The following NDUFS7 variants were observed in gnomAD, a reference collection of about 807,000 sequenced individuals.
NDUFS7 encodes the protein NADH:ubiquinone oxidoreductase core subunit S7.
NDUFS7 carries 11 observed loss-of-function variants against 31.1 expected under a neutral mutation model. The observed-to-expected ratio is 0.35, with a 90% CI of 0.22 to 0.59. The LOEUF is 0.59. Ranked by LOEUF, NDUFS7 falls within the 20% of genes least tolerant of loss-of-function variation. NDUFS7 has a pLI of 0.79. For synonymous variants in NDUFS7, 136 were observed against 127.9 expected, an observed-to-expected ratio of 1.06 and a Z score of -0.43; for missense variants, 263 against 324.2, an observed-to-expected ratio of 0.81 and a Z score of 1.45.
intron 6 of NDUFS7, among the ~76,000 whole-genome samples, chr19:1,391,393 G>T (rs888336828): frequency 1.3e-5 from 2 of 151,876 alleles, no homozygotes; most frequent in East Asian, 3.9e-4. Context: ...CCCACATTCC[G>T]CCCAGTTCTC....
chr19:1,389,546 C>T (rs1428288829), intron 4 of NDUFS7: 9 of 456,664 alleles, frequency 2.0e-5, no homozygotes, highest in Admixed American at 1.2e-4. Flanking sequence ...CTCTTTCTGG[C>T]GTCCGTGTGT....
chr19:1,387,917 GGGTGGGGGGT>G, intron 2 of NDUFS7, 70 bp downstream of exon 2: 2 of 377,292 alleles, frequency 5.3e-6, no homozygotes, highest in South Asian at 3.7e-5. Flanking sequence ...GGGGCGGGGG[GGGTGGGGGGT>G]GGGGGGAGCG....
intron 7 of NDUFS7, chr19:1,394,851 T>C: frequency 8.7e-7 from 1 of 1,151,606 alleles, no homozygotes; most frequent in Non-Finnish European, 1.1e-6. Context: ...TTCGTCCTCT[T>C]GCTCAAGCCC....
chr19:1,391,272 C>A, intron 6 of NDUFS7, 107 bp downstream of exon 6: 1 of 1,404,582 alleles, frequency 7.1e-7, no homozygotes, highest in Non-Finnish European at 9.8e-7. Context: ...AGTGAAATCC[C>A]ACGTGGTCCC....
chr19:1,393,167 TG>T lies in NDUFS7; in HGVS notation c.456-71del. Reference sequence around the variant, plus strand: ...GCCTGCAGTTGAAGGCGGGTGGGGATGGGGCGAGGCCTCGTGGAGGGAGGGT... The same window carrying T: ...GCCTGCAGTTGAAGGCGGGTGGGGATGGGCGAGGCCTCGTGGAGGGAGGGT... On this transcript the variant is annotated intron_variant, in intron 6 of 7. Coordinates refer to ENST00000233627, the MANE Select transcript of NDUFS7 (RefSeq NM_024407.5). This position sits in a 1 kb window ranked among gnomAD's most constrained non-coding sequence, Gnocchi z 7.3. 8.7e-7 allele frequency: 1 copy of T among 1,148,058 alleles called. No individual in the cohort carries two copies. The highest frequency in any genetic ancestry group is 1.2e-6 in the Non-Finnish European group (1 of 826,926). 71.1% of individuals were successfully genotyped at this position (1,148,058 alleles called of 1,614,324 possible).
Position 1,393,086 on chromosome 19 carries a change from C to T in NDUFS7, c.456-156C>T, listed in dbSNP as rs1002833682. On this transcript the variant is annotated intron_variant, in intron 6 of 7. Transcript: ENST00000233627. This position sits in a 1 kb window ranked among gnomAD's most constrained non-coding sequence, Gnocchi z 7.3. ...CTGGTCCCACAGAGGCTCTGGGAGC[C>T]TGTGCGTGTTTGCTCATTGCTTCTC... 6.1e-6 allele frequency: 4 copies of T among 655,008 alleles called. No individual in the cohort carries two copies. The Admixed American group carries it at 8.6e-5, about 14-fold the overall frequency. 40.6% of individuals were successfully genotyped at this position (655,008 alleles called of 1,614,324 possible). A position where few individuals can be genotyped will look rare whatever the true frequency, so the allele number is the denominator to read the frequency against.
chr19:1,384,427 G>C (rs1311495485), intron 1 of NDUFS7, among the ~76,000 whole-genome samples: 1 of 152,264 alleles, frequency 6.6e-6, no homozygotes, highest in East Asian at 1.9e-4. Flanking sequence ...GGAGGTAAGG[G>C]CCTCTCGCAG....
Position 1,393,094 on chromosome 19 carries a change from GT to G in NDUFS7, c.456-145del, listed in dbSNP as rs2082568236. 3.0e-6 allele frequency: 2 copies of G among 671,082 alleles called. No homozygotes were observed. The highest frequency in any genetic ancestry group is 3.4e-5 in the South Asian group (2 of 58,774). 41.6% of individuals were successfully genotyped at this position (671,082 alleles called of 1,614,324 possible). ...ACAGAGGCTCTGGGAGCCTGTGCGT[GT>G]TTGCTCATTGCTTCTCCGTGACAAG... On this transcript the variant is annotated intron_variant, in intron 6 of 7. Coordinates refer to ENST00000233627, the MANE Select transcript of NDUFS7 (RefSeq NM_024407.5). This position sits in a 1 kb window ranked among gnomAD's most constrained non-coding sequence, Gnocchi z 7.3.
intron 7 of NDUFS7, chr19:1,394,946 G>T (rs929703277): frequency 1.9e-5 from 21 of 1,117,972 alleles, no homozygotes; most frequent in Non-Finnish European, 1.8e-5. Flanking sequence ...GGGTCATCGG[G>T]TCCTCGTGGG....
chr19:1,392,914 G>A, intron 6 of NDUFS7: 1 of 413,220 alleles, frequency 2.4e-6, no homozygotes, highest in Non-Finnish European at 4.6e-6. Flanking sequence ...ACAGGGGCTG[G>A]GTGTTGGCAC....
chr19:1,393,277 A>T lies in NDUFS7; in HGVS notation c.491A>T (p.Tyr164Phe). 6.3e-7 allele frequency: 1 copy of T among 1,586,586 alleles called. No homozygotes were observed. Among genetic ancestry groups the T allele is most frequent in the Middle Eastern group, 1.7e-4 (1 of 6,032 alleles). The change falls in exon 7 of 8, where the codon TAC (tyrosine) becomes TTC (phenylalanine). Residue 164 changes from tyrosine (Y) to phenylalanine (F), a missense_variant. Transcript: ENST00000233627. The surrounding 1 kb of genome is among the most constrained non-coding windows in gnomAD (Gnocchi z 7.3). ...ANGGGYYHYSYSVVRGCDRIV... is the reference protein window; with the variant it reads ...ANGGGYYHYSFSVVRGCDRIV... ...GGAGGAGGCTACTACCACTATTCCT[A>T]CTCGGTGGTGAGGGGCTGCGACCGC...
chr19:1,394,609 C>T (rs2082582324), intron 7 of NDUFS7: 2 of 1,215,458 alleles, frequency 1.6e-6, no homozygotes, highest in South Asian at 1.5e-5. Context: ...GGGGACCGCG[C>T]CCCTCCCTCC....
At chr19:1,389,641 G>A (rs1371005966) in intron 4 of NDUFS7, 3 of 390,146 alleles carry the variant, frequency 7.7e-6, no homozygotes, top group South Asian at 3.7e-5. Context: ...CTCGGTACCC[G>A]TTTAAAGCCT....
At chr19:1,387,657 G>A (rs1370908163) in intron 1 of NDUFS7, 154 bp from the exon 2 acceptor site, 2 of 710,744 alleles carry the variant, frequency 2.8e-6, no homozygotes, top group African/African-American at 1.7e-5. Flanking sequence ...CTCGTGTTCT[G>A]AAAACCCCCT....
chr19:1,389,109 G>T (rs993206483), intron 4 of NDUFS7, 171 bp downstream of exon 4: 21 of 719,928 alleles, frequency 2.9e-5, no homozygotes, highest in Non-Finnish European at 4.2e-5. Flanking sequence ...ATGTGTACAC[G>T]GACCACACGC....
intron 4 of NDUFS7, 143 bp from the exon 5 acceptor site, chr19:1,390,728 C>A: frequency 1.1e-6 from 1 of 886,398 alleles, no homozygotes; most frequent in Non-Finnish European, 1.8e-6. Flanking sequence ...CGGAGGCCAC[C>A]TGCAGGAGCC....
rs747002245 is a variant in NDUFS7 at position 1,393,360 on chromosome 19, G to C, written c.544+30G>C. On this transcript the variant is annotated intron_variant, in intron 7 of 7. Coordinates refer to ENST00000233627, the MANE Select transcript of NDUFS7 (RefSeq NM_024407.5). The surrounding 1 kb of genome is among the most constrained non-coding windows in gnomAD (Gnocchi z 7.3). ...GGCCGGGACCGCACCGCCCACGAGGGAGCTGGAGACAGGGCCAGCGCCACA... is the reference window on the plus strand; with the variant it reads ...GGCCGGGACCGCACCGCCCACGAGGCAGCTGGAGACAGGGCCAGCGCCACA... 9 of 1,541,306 alleles carry C rather than the reference G, an allele frequency of 5.8e-6. 1 individual carries two copies. The South Asian group carries it at 9.5e-5, about 16-fold the overall frequency.
rs549500586 is a variant in NDUFS7 at position 1,387,745 on chromosome 19, C to T, written c.17-66C>T. On this transcript the variant is annotated intron_variant, in intron 1 of 7. Transcript: ENST00000233627. Reference sequence around the variant, plus strand: ...TGCGGGCAGGAGCCTGATGGGGAAGCGCCTGGAGGCCGGCCCTGCGTGCTG... The same window carrying T: ...TGCGGGCAGGAGCCTGATGGGGAAGTGCCTGGAGGCCGGCCCTGCGTGCTG... 1,512 of 1,486,024 alleles carry T rather than the reference C, an allele frequency of 1.0e-3. 28 individuals are homozygous for T. In the East Asian group the frequency reaches 0.024, roughly 24 times the overall value. The allele number at this position is 1,486,024 out of a possible 1,614,324, so 92.1% of individuals were successfully genotyped here.
At chr19:1,387,938 C>T (rs1214029903) in intron 2 of NDUFS7, 91 bp downstream of exon 2, 3 of 746,392 alleles carry the variant, frequency 4.0e-6, no homozygotes, top group African/African-American at 1.8e-5. Context: ...GGGGGGAGCG[C>T]CTTGTTGAAG....
Sources: gnomAD v4.1 joint callset for allele counts (sites outside exome capture counted in the v4.1 genomes callset) on GRCh38, gnomAD v4.1.1 for gene constraint, Gnocchi (gnomAD v3.1) non-coding constraint, MANE v1.5 for transcripts, NCBI Gene and HGNC (gene_info 2026-07-23, HGNC 2026-07-21) for gene names.